HTR1E: variants seen among roughly 807,000 people sequenced by gnomAD.
HTR1E encodes the protein 5-HT-1E.
A neutral mutation model predicts 3.4 loss-of-function variants in HTR1E; 3 were observed. The observed-to-expected ratio is 0.89, with a 90% CI of 0.41 to 2.31. HTR1E has a LOEUF of 2.31. HTR1E is among the 30% of genes most tolerant of loss of function. HTR1E has a pLI of 0.05. For missense variants in HTR1E, 392 were observed against 467.0 expected, an observed-to-expected ratio of 0.84 and a Z score of 1.48; for synonymous variants, 170 against 182.8, an observed-to-expected ratio of 0.93 and a Z score of 0.56.
intron 1 of HTR1E, chr6:86,971,085 A>G (rs368053606): frequency 9.8e-6 from 5 of 511,844 alleles, no homozygotes; most frequent in East Asian, 5.4e-5. Context: ...CCTCCAAATT[A>G]TCCTCTCCAT....
At chr6:86,995,500 T>C (rs1029693856) in intron 1 of HTR1E, among the ~76,000 whole-genome samples, 6 of 147,190 alleles carry the variant, frequency 4.1e-5, no homozygotes, top group African/African-American at 1.0e-4. Context: ...ACCCCATCTT[T>C]ACTAAAAATA....
intron 1 of HTR1E, among the ~76,000 whole-genome samples, chr6:86,939,727 C>T (rs959095725): frequency 1.3e-5 from 2 of 152,206 alleles, no homozygotes; most frequent in Non-Finnish European, 2.9e-5. Context: ...CAGAAATCAG[C>T]ATCACAAGCA....
In HTR1E at chr6:86,983,352, T is replaced by C. The variant is rs1314379096; in HGVS notation, c.-185-31798T>C. On this transcript the variant is annotated intron_variant, in intron 1 of 1. Coordinates refer to ENST00000305344, the MANE Select transcript of HTR1E (RefSeq NM_000865.3). ...TGATCATGGTATCACTATCTTCTGATCAAAATTTAAAGATATTCATTTGAA... is the reference window on the plus strand; with the variant it reads ...TGATCATGGTATCACTATCTTCTGACCAAAATTTAAAGATATTCATTTGAA... 2.0e-5 allele frequency among the ~76,000 whole-genome samples: 3 copies of C among 152,320 alleles called. No homozygotes were observed. In the East Asian group the frequency reaches 5.8e-4, roughly 29 times the overall value.
chr6:86,997,765 G>A (rs1185737923), intron 1 of HTR1E, among the ~76,000 whole-genome samples: 1 of 151,698 alleles, frequency 6.6e-6, no homozygotes. Flanking sequence ...TACACTAAGT[G>A]TAAATAATGT....
At chr6:86,969,722 A>C (rs1045018478) in intron 1 of HTR1E, among the ~76,000 whole-genome samples, 3 of 152,116 alleles carry the variant, frequency 2.0e-5, no homozygotes, top group Non-Finnish European at 2.9e-5. Flanking sequence ...TTCTGATGGC[A>C]CTGACTTGAC....
intron 1 of HTR1E, among the ~76,000 whole-genome samples, chr6:87,014,127 G>A (rs1035841470): frequency 4.6e-5 from 7 of 151,942 alleles, no homozygotes; most frequent in Non-Finnish European, 1.0e-4. Flanking sequence ...GGGGGACGGG[G>A]GAGTGATAGC....
At chr6:86,958,725 C>T (rs557916105) in intron 1 of HTR1E, among the ~76,000 whole-genome samples, 1 of 152,240 alleles carries the variant, frequency 6.6e-6, no homozygotes, top group East Asian at 1.9e-4. Flanking sequence ...GCAGTGGGCC[C>T]AAGTTTTACA....
intron 1 of HTR1E, among the ~76,000 whole-genome samples, chr6:86,942,162 G>A (rs544422447): frequency 7.9e-5 from 12 of 152,132 alleles, no homozygotes; most frequent in Non-Finnish European, 1.8e-4. Flanking sequence ...AAGAAAAATG[G>A]GAAAGGAAAG....
intron 1 of HTR1E, among the ~76,000 whole-genome samples, chr6:86,971,795 T>A (rs1767561128): frequency 6.6e-6 from 1 of 152,206 alleles, no homozygotes; most frequent in Non-Finnish European, 1.5e-5. Flanking sequence ...AGAGATTCCA[T>A]CGCCCAAGTA....
chr6:86,950,240 C>T (rs1425080139), intron 1 of HTR1E, among the ~76,000 whole-genome samples: 3 of 152,166 alleles, frequency 2.0e-5, no homozygotes, highest in Non-Finnish European at 4.4e-5. Flanking sequence ...TCATACTATT[C>T]ACATCCAGGC....
At chr6:86,946,112 G>A (rs1410249514) in intron 1 of HTR1E, among the ~76,000 whole-genome samples, 1 of 152,108 alleles carries the variant, frequency 6.6e-6, no homozygotes, top group Non-Finnish European at 1.5e-5. Flanking sequence ...AGAAAAAATG[G>A]TTTTTACAAA....
At chr6:87,008,078 T>C (rs1165334706) in intron 1 of HTR1E, among the ~76,000 whole-genome samples, 1 of 152,234 alleles carries the variant, frequency 6.6e-6, no homozygotes, top group Admixed American at 6.5e-5. Flanking sequence ...TAAAACTCTA[T>C]GCACTGTTTT....
intron 1 of HTR1E, among the ~76,000 whole-genome samples, chr6:86,995,749 G>A (rs1012642468): frequency 8.7e-5 from 12 of 138,106 alleles, no homozygotes; most frequent in Non-Finnish European, 1.4e-4. Context: ...AACTCTAAAT[G>A]TAACTAGGTA....
rs534686232 is a variant in HTR1E at position 86,942,399 on chromosome 6, G to A, written c.-186+4576G>A. ...AGTCCTAATTTTAATGTTGAACTCT[G>A]CCCTAGTCAAGGAAGTATTTGTTAC... On this transcript the variant is annotated intron_variant, in intron 1 of 1. Transcript: ENST00000305344. Among the ~76,000 whole-genome samples, 77 of 152,134 alleles carry A rather than the reference G, an allele frequency of 5.1e-4. 1 individual carries two copies. The highest frequency in any genetic ancestry group is 1.8e-3 in the African/African-American group (76 of 41,492).
At chr6:86,946,991 C>T (rs974312023) in intron 1 of HTR1E, among the ~76,000 whole-genome samples, 2 of 152,120 alleles carry the variant, frequency 1.3e-5, no homozygotes, top group African/African-American at 4.8e-5. Context: ...TGGCACATGG[C>T]TGTAATCCCA....
chr6:87,015,317 G>A lies in HTR1E; in HGVS notation c.-18G>A. 6.5e-7 allele frequency: 1 copy of A among 1,527,614 alleles called. No homozygotes were observed. Among genetic ancestry groups the A allele is most frequent in the Non-Finnish European group, 8.8e-7 (1 of 1,133,680 alleles). The allele number at this position is 1,527,614 out of a possible 1,614,324, so 94.6% of individuals were successfully genotyped here. Reference sequence around the variant, plus strand: ...TAACCAACAGCTTCTCCACAGTGTAGACTGAAACAAGGGAAACATGAACAT... The same window carrying A: ...TAACCAACAGCTTCTCCACAGTGTAAACTGAAACAAGGGAAACATGAACAT... On this transcript the variant is annotated 5_prime_UTR_variant, in exon 2 of 2. Transcript: ENST00000305344.
Position 87,016,127 on chromosome 6 carries a change from A to G in HTR1E, c.793A>G (p.Ile265Val), listed in dbSNP as rs1562076614. The part of the protein sequence containing the change: ...EFEKFHASIR[I>V]PPFDNDLDHP... The stretch of plus-strand genomic sequence containing the variant: ...TGAAAAGTTCCATGCCTCCATCAGG[A>G]TCCCCCCCTTCGACAATGATCTAGA... Residue 265 changes from isoleucine (I) to valine (V), a missense_variant, in exon 2 of 2, where the codon ATC becomes GTC. Physicochemically the swap from Ile to Val is conservative, Grantham distance 29. Transcript: ENST00000305344. 6 of 1,614,122 alleles carry G rather than the reference A, an allele frequency of 3.7e-6. No individual in the cohort carries two copies. The highest frequency in any genetic ancestry group is 5.1e-6 in the Non-Finnish European group (6 of 1,180,020).
At chr6:86,986,447 T>C (rs1299665926) in intron 1 of HTR1E, among the ~76,000 whole-genome samples, 1 of 152,188 alleles carries the variant, frequency 6.6e-6, no homozygotes, top group Non-Finnish European at 1.5e-5. Context: ...TTTCAAGACA[T>C]TTGAAGGCAG....
chr6:87,016,041 G>A lies in HTR1E; in HGVS notation c.707G>A (p.Cys236Tyr), dbSNP rs767736152. Residue 236 changes from cysteine to tyrosine, a missense_variant, in exon 2 of 2, where the codon TGT becomes TAT. By Grantham distance (194) the Cys-to-Tyr change is radical (BLOSUM62 -2). This residue lies in a region of HTR1E where 178 missense variants were observed against 164.9 expected (regional missense o/e 1.08). Coordinates refer to ENST00000305344, the MANE Select transcript of HTR1E (RefSeq NM_000865.3). ...STDSQNSFAS[C>Y]KLTQTFCVSD... ...GATAGCCAGAATTCTTTTGCAAGTT[G>A]TAAACTTACACAGACTTTCTGTGTG... 6.2e-7 allele frequency: 1 copy of A among 1,614,194 alleles called. No homozygotes were observed.
Sources: gnomAD v4.1 joint callset for allele counts (sites outside exome capture counted in the v4.1 genomes callset) on GRCh38, gnomAD v4.1.1 for gene constraint, gnomAD v4.1.1 regional missense constraint, MANE v1.5 for transcripts, NCBI Gene and HGNC (gene_info 2026-07-23, HGNC 2026-07-21) for gene names.